TBC1D22A: variants seen among roughly 807,000 people sequenced by gnomAD.
TBC1D22A encodes TBC1 domain family member 22A.
A neutral mutation model predicts 60.2 loss-of-function variants in TBC1D22A; 38 were observed. The observed-to-expected ratio is 0.63, with a 90% CI of 0.49 to 0.83. The LOEUF (loss-of-function observed/expected upper bound fraction) is 0.83, where lower values mean the gene tolerates loss of function less well. Ranked by LOEUF, TBC1D22A falls within the 40% of genes least tolerant of loss-of-function variation. TBC1D22A has a pLI of 0.00. For missense variants in TBC1D22A, 628 were observed against 701.0 expected (o/e 0.90, Z 1.18); for synonymous variants, 302 against 281.7 (o/e 1.07, Z -0.72).
chr22:46,875,688 T>C (rs2067526513), intron 4 of TBC1D22A, among the ~76,000 whole-genome samples: 1 of 152,152 alleles, frequency 6.6e-6, no homozygotes, highest in Non-Finnish European at 1.5e-5. Flanking sequence ...CTGACCTCAG[T>C]GATCTACCCA....
At chr22:46,910,571 G>C (rs572565292) in intron 7 of TBC1D22A, among the ~76,000 whole-genome samples, 63 of 152,280 alleles carry the variant, frequency 4.1e-4, no homozygotes, top group Non-Finnish European at 8.2e-4. Flanking sequence ...AGAGCAGTTG[G>C]GCCTGGCCTT....
chr22:46,975,279 G>A (rs540408750), intron 9 of TBC1D22A, among the ~76,000 whole-genome samples: 2 of 152,172 alleles, frequency 1.3e-5, no homozygotes, highest in Non-Finnish European at 2.9e-5. Context: ...GGGTAGACGG[G>A]TGAGTATGGC....
At chr22:47,023,615 C>T (rs142797593) in intron 10 of TBC1D22A, among the ~76,000 whole-genome samples, 1 of 152,078 alleles carries the variant, frequency 6.6e-6, no homozygotes, top group South Asian at 2.1e-4. Context: ...GAAGAGACAC[C>T]CTGCATTACA....
At chr22:47,012,330 T>C (rs1426011638) in intron 10 of TBC1D22A, among the ~76,000 whole-genome samples, 1 of 152,094 alleles carries the variant, frequency 6.6e-6, no homozygotes, top group Non-Finnish European at 1.5e-5. Flanking sequence ...CCCCCAGCCC[T>C]CCTGCCCCTG....
At chr22:47,162,213 T>G (rs1284294775) in intron 12 of TBC1D22A, among the ~76,000 whole-genome samples, 1 of 152,148 alleles carries the variant, frequency 6.6e-6, no homozygotes, top group Non-Finnish European at 1.5e-5. Context: ...TTTTTTTTTT[T>G]TTTTAAGGTT....
At chr22:46,942,603 T>A (rs2072240681) in intron 8 of TBC1D22A, among the ~76,000 whole-genome samples, 1 of 152,198 alleles carries the variant, frequency 6.6e-6, no homozygotes, top group Non-Finnish European at 1.5e-5. Context: ...GAGTGTAATT[T>A]ATACAGCACA....
rs527375066 is a variant in TBC1D22A, at chr22:47,123,150, G to C, written c.1425+11547G>C. ...TCTGCCAAGACTTTGGGGCAGGTGG[G>C]TGGAATCGCTTTGCTTTACTCCTGG... On this transcript the variant is annotated intron_variant, in intron 12 of 12. Transcript: ENST00000337137. 9.2e-5 allele frequency among the ~76,000 whole-genome samples: 14 copies of C among 152,320 alleles called. No individual in the cohort carries two copies. The South Asian group carries it at 2.3e-3, about 25-fold the overall frequency.
chr22:46,774,301 G>A, intron 1 of TBC1D22A: 1 of 978,248 alleles, frequency 1.0e-6, no homozygotes, highest in Non-Finnish European at 1.2e-6. Context: ...GGTATCAGGA[G>A]GCCCAGAGGG....
In TBC1D22A at chr22:46,974,476, T is replaced by G. The variant is rs575009293; in HGVS notation, c.1125+77T>G. Reference sequence around the variant, plus strand: ...AAGAGAGCCTGAGGCCTTAGGCTGCTCCTGAGTCTCAGTGTGGCCATGCAG... The same window carrying G: ...AAGAGAGCCTGAGGCCTTAGGCTGCGCCTGAGTCTCAGTGTGGCCATGCAG... On this transcript the variant is annotated intron_variant, in intron 9 of 12. Transcript: ENST00000337137. 1.9e-5 allele frequency: 23 copies of G among 1,227,044 alleles called. No homozygotes were observed. The South Asian group carries it at 2.7e-4, about 14-fold the overall frequency. 76.0% of individuals were successfully genotyped at this position (1,227,044 alleles called of 1,614,324 possible).
intron 11 of TBC1D22A, among the ~76,000 whole-genome samples, chr22:47,105,115 AAAT>A (rs1026803108): frequency 3.3e-5 from 5 of 152,108 alleles, no homozygotes; most frequent in African/African-American, 4.8e-5. Flanking sequence ...AAATCTCTTT[AAAT>A]ATTTTACAGA....
chr22:46,835,403 T>C (rs1255047748), intron 4 of TBC1D22A, among the ~76,000 whole-genome samples: 1 of 151,896 alleles, frequency 6.6e-6, no homozygotes, highest in Admixed American at 6.6e-5. Flanking sequence ...AGAGAAATCA[T>C]AAAAAAGAAC....
chr22:47,101,975 C>A (rs887464559), intron 11 of TBC1D22A, among the ~76,000 whole-genome samples: 4 of 152,192 alleles, frequency 2.6e-5, no homozygotes, highest in Non-Finnish European at 5.9e-5. Flanking sequence ...ATTTCCTCAT[C>A]TAGTCTTTTT....
chr22:47,053,411 G>A (rs1025219149), intron 11 of TBC1D22A, among the ~76,000 whole-genome samples: 3 of 152,192 alleles, frequency 2.0e-5, no homozygotes, highest in Non-Finnish European at 4.4e-5. Context: ...GGAGGCCACA[G>A]TTACCTGCAG....
chr22:47,097,918 G>T (rs2065247875), intron 11 of TBC1D22A, among the ~76,000 whole-genome samples: 1 of 152,136 alleles, frequency 6.6e-6, no homozygotes, highest in Non-Finnish European at 1.5e-5. Context: ...CCTTTCATCT[G>T]TTTACCTGGA....
chr22:46,776,985 C>T (rs1003395018), intron 1 of TBC1D22A, among the ~76,000 whole-genome samples: 1 of 152,024 alleles, frequency 6.6e-6, no homozygotes, highest in African/African-American at 2.4e-5. Context: ...CTGGGGCAGC[C>T]GGTGCAACTG....
intron 7 of TBC1D22A, among the ~76,000 whole-genome samples, chr22:46,903,940 C>A (rs900170461): frequency 1.3e-5 from 2 of 152,084 alleles, no homozygotes; most frequent in African/African-American, 4.8e-5. Flanking sequence ...CGTGGACGCA[C>A]CTTCAAGGGA....
chr22:47,134,694 C>T (rs183785993), intron 12 of TBC1D22A, among the ~76,000 whole-genome samples: 264 of 143,106 alleles, frequency 1.8e-3, no homozygotes, highest in African/African-American at 6.1e-3. Flanking sequence ...AATCTGGGGT[C>T]AGCCAGCTTC....
Position 46,762,864 on chromosome 22 carries a change from A to G in TBC1D22A, c.62+16A>G, listed in dbSNP as rs1383999635. The G allele has an allele frequency of 3.4e-6, 5 of 1,469,072 alleles. No homozygotes were observed. The highest frequency in any genetic ancestry group is 3.0e-5 in the East Asian group (1 of 33,462). 91.0% of individuals were successfully genotyped at this position (1,469,072 alleles called of 1,614,324 possible). On this transcript the variant is annotated intron_variant, in intron 1 of 12. Transcript: ENST00000337137. ...TCCCGGGCAGGTGGGTGTGCCGCGG[A>G]GGGCCAGGTCGGGGTCAGGGGTCAG...
At chr22:46,842,221 T>G (rs2086802553) in intron 4 of TBC1D22A, among the ~76,000 whole-genome samples, 2 of 152,252 alleles carry the variant, frequency 1.3e-5, no homozygotes, top group African/African-American at 4.8e-5. Flanking sequence ...CAAGCTGCTT[T>G]CTTTGGGGCC....
Sources: gnomAD v4.1 joint callset for allele counts (sites outside exome capture counted in the v4.1 genomes callset) on GRCh38, gnomAD v4.1.1 for gene constraint, MANE v1.5 for transcripts, NCBI Gene and HGNC (gene_info 2026-07-23, HGNC 2026-07-21) for gene names.